The following SAP130 variants were observed in gnomAD, a reference collection of about 807,000 sequenced individuals.
SAP130 encodes histone deacetylase complex subunit SAP130.
SAP130 carries 16 observed loss-of-function variants against 103.2 expected under a neutral mutation model. The ratio of observed to expected loss-of-function variants is 0.16; its 90% confidence interval spans 0.10 to 0.24. The LOEUF (loss-of-function observed/expected upper bound fraction) is 0.24, where lower values mean the gene tolerates loss of function less well. SAP130 is among the 10% of genes least tolerant of loss of function. SAP130 has a pLI of 1.00. For synonymous variants in SAP130, 477 were observed against 497.0 expected, an observed-to-expected ratio of 0.96 and a Z score of 0.53; for missense variants, 990 against 1,359.7, an observed-to-expected ratio of 0.73 and a Z score of 4.28.
intron 2 of SAP130, among the ~76,000 whole-genome samples, chr2:128,021,962 C>T (rs1685190925): frequency 6.6e-6 from 1 of 152,196 alleles, no homozygotes; most frequent in Non-Finnish European, 1.5e-5. Context: ...ATTAGCTTTA[C>T]TGAGGTACAA....
intron 15 of SAP130, among the ~76,000 whole-genome samples, chr2:127,964,612 A>T (rs1680508577): frequency 6.6e-6 from 1 of 152,004 alleles, no homozygotes; most frequent in African/African-American, 2.4e-5. Flanking sequence ...GGCCTTAAAT[A>T]CTGAAAACTG....
chr2:128,000,262 T>G (rs1683459446), intron 8 of SAP130, 45 bp downstream of exon 8: 5 of 1,612,866 alleles, frequency 3.1e-6, no homozygotes, highest in Non-Finnish European at 4.2e-6. Context: ...CACTTTTGGT[T>G]TTACCCAACA....
intron 1 of SAP130, chr2:128,027,204 CGCG>C: frequency 8.2e-7 from 1 of 1,218,748 alleles, no homozygotes. Flanking sequence ...GGGGAGGGAT[CGCG>C]GCGGCGGCGC....
At chr2:128,016,342 G>C in intron 4 of SAP130, 47 bp downstream of exon 4, 1 of 1,578,350 alleles carries the variant, frequency 6.3e-7, no homozygotes, top group Non-Finnish European at 8.7e-7. Context: ...ATGATCAACA[G>C]TTTGGCATTT....
At chr2:127,951,390 T>G (rs1490681181) in intron 16 of SAP130, among the ~76,000 whole-genome samples, 1 of 152,046 alleles carries the variant, frequency 6.6e-6, no homozygotes, top group Non-Finnish European at 1.5e-5. Context: ...ACCCTAAACT[T>G]TCCTGTCACC....
Position 127,941,865 on chromosome 2 carries a change from A to T in SAP130, c.*141T>A. On this transcript the variant is annotated 3_prime_UTR_variant, in exon 21 of 21. Coordinates refer to ENST00000643581, the MANE Select transcript of SAP130 (RefSeq NM_001330301.2). ...TGATCCTTTCACGCCCTTGGATGTC[A>T]TGGGTTCCTCTGCTTTCACACGGGA... The T allele has an allele frequency of 1.3e-6, 1 of 771,694 alleles. No individual in the cohort carries two copies. Among genetic ancestry groups the T allele is most frequent in the Non-Finnish European group, 2.1e-6 (1 of 473,350 alleles). 47.8% of individuals were successfully genotyped at this position (771,694 alleles called of 1,614,324 possible).
intron 19 of SAP130, among the ~76,000 whole-genome samples, chr2:127,943,267 T>C (rs1243171997): frequency 1.3e-5 from 2 of 152,168 alleles, no homozygotes; most frequent in Non-Finnish European, 2.9e-5. Context: ...CTTTATGAGG[T>C]TGTTGCCTCC....
chr2:127,972,708 A>G lies in SAP130; in HGVS notation c.2063+5277T>C, dbSNP rs553268505. ...GGGAGGCAGAGGCTGTTGTGAGCCAATATGGTGCCAGTGCACTCCAGCCTG... is the reference window on the plus strand; with the variant it reads ...GGGAGGCAGAGGCTGTTGTGAGCCAGTATGGTGCCAGTGCACTCCAGCCTG... On this transcript the variant is annotated intron_variant, in intron 15 of 20. Transcript: ENST00000643581. 4.1e-4 allele frequency among the ~76,000 whole-genome samples: 62 copies of G among 152,264 alleles called. 1 individual carries two copies. In the Middle Eastern group the frequency reaches 0.01, roughly 25 times the overall value.
intron 18 of SAP130, among the ~76,000 whole-genome samples, chr2:127,949,425 G>A (rs976685946): frequency 6.6e-6 from 1 of 152,260 alleles, no homozygotes; most frequent in South Asian, 2.1e-4. Flanking sequence ...CTCCAAGAGC[G>A]TTGCATATTT....
intron 12 of SAP130, among the ~76,000 whole-genome samples, chr2:127,991,606 A>C (rs1004019712): frequency 6.6e-6 from 1 of 152,156 alleles, no homozygotes; most frequent in Non-Finnish European, 1.5e-5. Flanking sequence ...TGCTAGGGTT[A>C]TAGGCATGAG....
chr2:127,989,465 A>G lies in SAP130; in HGVS notation c.1780+99T>C. On this transcript the variant is annotated intron_variant, in intron 13 of 20. Coordinates refer to ENST00000643581, the MANE Select transcript of SAP130 (RefSeq NM_001330301.2). The surrounding 1 kb of genome is among the most constrained non-coding windows in gnomAD (Gnocchi z 4.6). ...TTAATACAAAGAAGAAAAGGCCTAG[A>G]GAAATTATAAGACGACAAAGCCAGT... 1 of 1,098,664 alleles carries G rather than the reference A, an allele frequency of 9.1e-7. No homozygotes were observed. The highest frequency in any genetic ancestry group is 1.6e-5 in the African/African-American group (1 of 63,348). 68.1% of individuals were successfully genotyped at this position (1,098,664 alleles called of 1,614,324 possible).
chr2:127,946,792 G>A (rs1252634445), intron 18 of SAP130, among the ~76,000 whole-genome samples: 1 of 151,518 alleles, frequency 6.6e-6, no homozygotes, highest in African/African-American at 2.4e-5. Context: ...GCTGAGGCAG[G>A]AGAATTGCTT....
chr2:127,961,613 C>T (rs1014490889), intron 15 of SAP130, among the ~76,000 whole-genome samples: 1 of 150,744 alleles, frequency 6.6e-6, no homozygotes, highest in Non-Finnish European at 1.5e-5. Flanking sequence ...AGTATAAAGA[C>T]CAATACAGGT....
intron 15 of SAP130, among the ~76,000 whole-genome samples, chr2:127,960,095 G>A (rs1680134334): frequency 6.6e-6 from 1 of 152,176 alleles, no homozygotes; most frequent in Non-Finnish European, 1.5e-5. Context: ...AGTATTATTA[G>A]CCTAATCTGA....
intron 15 of SAP130, among the ~76,000 whole-genome samples, chr2:127,965,515 C>A (rs930716877): frequency 2.6e-5 from 4 of 151,136 alleles, no homozygotes; most frequent in African/African-American, 7.3e-5. Context: ...AGGGAGTGGG[C>A]ATGGTGGCTC....
intron 15 of SAP130, among the ~76,000 whole-genome samples, chr2:127,958,635 TGAGAGAGAGAGAGAGAGAGAGAGAGA>T (rs372337440): frequency 1.3e-3 from 168 of 127,704 alleles, no homozygotes; most frequent in African/African-American, 1.9e-3. Flanking sequence ...GTGAGACAGA[TGAGAGAGAGAGAGAGAGAGAGAGAGA>T]GAGAGAGAGA....
intron 15 of SAP130, among the ~76,000 whole-genome samples, chr2:127,969,054 C>T (rs1680884303): frequency 6.6e-6 from 1 of 152,108 alleles, no homozygotes; most frequent in Non-Finnish European, 1.5e-5. Flanking sequence ...AGATGATCAA[C>T]AAAACAGTAA....
intron 15 of SAP130, among the ~76,000 whole-genome samples, chr2:127,972,168 GA>G (rs1681136290): frequency 6.6e-6 from 1 of 152,176 alleles, no homozygotes; most frequent in African/African-American, 2.4e-5. Context: ...GCAAATCCAA[GA>G]AAGAGTCTAA....
intron 3 of SAP130, among the ~76,000 whole-genome samples, chr2:128,017,206 C>T (rs1043970017): frequency 6.6e-6 from 1 of 152,156 alleles, no homozygotes; most frequent in African/African-American, 2.4e-5. Flanking sequence ...CCTGTAATAC[C>T]AGCTACTTGG....
Sources: gnomAD v4.1 joint callset for allele counts (sites outside exome capture counted in the v4.1 genomes callset) on GRCh38, gnomAD v4.1.1 for gene constraint, Gnocchi (gnomAD v3.1) non-coding constraint, MANE v1.5 for transcripts, NCBI Gene and HGNC (gene_info 2026-07-23, HGNC 2026-07-21) for gene names.